Variants in AGAP1 observed in about 807,000 individuals in gnomAD.
The protein encoded by AGAP1 is ArfGAP with GTPase domain, ankyrin repeat and PH domain 1.
Under a neutral mutation model 105.3 loss-of-function variants are expected in AGAP1, and 29 were observed. That is an observed-to-expected ratio of 0.28 (90% CI 0.21 to 0.38). AGAP1 has a LOEUF of 0.38. Ranked by LOEUF, AGAP1 falls within the 10% of genes least tolerant of loss-of-function variation. AGAP1 has a pLI of 1.00. For synonymous variants in AGAP1, 509 were observed against 485.9 expected (o/e 1.05, Z -0.63); for missense variants, 998 against 1,165.1 (o/e 0.86, Z 2.09).
rs1946562333 is a variant in AGAP1, at chr2:235,623,983, C to A, written c.164-85196C>A. ...GTAAGCAGTCTTAGGGGATCTGTCA[C>A]TGCTTACTACTAACAGAAGAACACC... On this transcript the variant is annotated intron_variant, in intron 1 of 17. Transcript: ENST00000304032. This position sits in a 1 kb window ranked among gnomAD's most constrained non-coding sequence, Gnocchi z 4.5. 6.6e-6 allele frequency among the ~76,000 whole-genome samples: 1 copy of A among 152,174 alleles called. No individual in the cohort carries two copies. Among genetic ancestry groups the A allele is most frequent in the Non-Finnish European group, 1.5e-5 (1 of 68,034 alleles).
intron 16 of AGAP1, among the ~76,000 whole-genome samples, chr2:236,068,165 G>A (rs1050615590): frequency 4.6e-5 from 7 of 152,070 alleles, no homozygotes; most frequent in South Asian, 2.1e-4. Flanking sequence ...CCAGCTACTC[G>A]GAGGCTGAGG....
At chr2:235,735,929 T>C (rs1286745745) in intron 3 of AGAP1, among the ~76,000 whole-genome samples, 2 of 151,964 alleles carry the variant, frequency 1.3e-5, no homozygotes, top group African/African-American at 4.8e-5. Context: ...GTGAGAGCAC[T>C]CCATTCTGCT....
At chr2:235,591,234 T>C (rs12328651) in intron 1 of AGAP1, among the ~76,000 whole-genome samples, 1 of 152,090 alleles carries the variant, frequency 6.6e-6, no homozygotes, top group Non-Finnish European at 1.5e-5. Flanking sequence ...CAGGCTGGTC[T>C]TGAACTCCTG....
intron 1 of AGAP1, among the ~76,000 whole-genome samples, chr2:235,645,321 A>C (rs1253193918): frequency 6.6e-6 from 1 of 152,224 alleles, no homozygotes; most frequent in Non-Finnish European, 1.5e-5. Flanking sequence ...TACCTATCTC[A>C]AAGTTGCTCT....
chr2:235,704,970 T>C (rs1237157278), intron 1 of AGAP1, among the ~76,000 whole-genome samples: 1 of 28,882 alleles, frequency 3.5e-5, no homozygotes, highest in African/African-American at 2.3e-4. Context: ...TGCTTTTTTC[T>C]TTTTTTTTTT....
chr2:235,560,464 C>G (rs1466592927), intron 1 of AGAP1, among the ~76,000 whole-genome samples: 1 of 152,040 alleles, frequency 6.6e-6, no homozygotes, highest in Non-Finnish European at 1.5e-5. Context: ...TGTTACCTCA[C>G]ATGGCAAAAG....
intron 1 of AGAP1, among the ~76,000 whole-genome samples, chr2:235,684,839 G>GA (rs1432357520): frequency 3.3e-5 from 5 of 152,182 alleles, no homozygotes; most frequent in African/African-American, 1.2e-4. Flanking sequence ...ACCAACAGGA[G>GA]AGACTATCTG....
At position 236,001,489 on chromosome 2, in the gene AGAP1, C is replaced by T. The variant is rs908591363; in HGVS notation, c.1645+32866C>T. On this transcript the variant is annotated intron_variant, in intron 13 of 17. Transcript: ENST00000304032. This position sits in a 1 kb window ranked among gnomAD's most constrained non-coding sequence, Gnocchi z 4.7. ...GGCTGGGCAGAGTGGGCTGCAGGGGCTGAAGTAGGCAGTGGTGACAGTGGC... is the reference window on the plus strand; with the variant it reads ...GGCTGGGCAGAGTGGGCTGCAGGGGTTGAAGTAGGCAGTGGTGACAGTGGC... Among the ~76,000 whole-genome samples, 3 of 152,124 alleles carry T rather than the reference C, an allele frequency of 2.0e-5. No homozygotes were observed. The highest frequency in any genetic ancestry group is 7.2e-5 in the African/African-American group (3 of 41,416).
Position 236,090,956 on chromosome 2 carries a change from G to A in AGAP1, c.2115-29236G>A, listed in dbSNP as rs1159974340. Among the ~76,000 whole-genome samples, 1 of 152,144 alleles carries A rather than the reference G, an allele frequency of 6.6e-6. No homozygotes were observed. The highest frequency in any genetic ancestry group is 1.5e-5 in the Non-Finnish European group (1 of 68,014). ...GTTTCACCATGTTGGCCAGGCTGGT[G>A]TCGACCTCCTGACCTCAGGTGATCT... On this transcript the variant is annotated intron_variant, in intron 16 of 17. Coordinates refer to ENST00000304032, the MANE Select transcript of AGAP1 (RefSeq NM_001037131.3). This position sits in a 1 kb window ranked among gnomAD's most constrained non-coding sequence, Gnocchi z 4.3.
chr2:235,950,813 G>A (rs78631097), intron 12 of AGAP1, among the ~76,000 whole-genome samples: 3,523 of 148,240 alleles, frequency 0.024, 146 homozygotes, highest in African/African-American at 0.082. Context: ...TGACTGAACT[G>A]TATTAACGAA....
rs960225704 is a variant in AGAP1 at position 235,569,349 on chromosome 2, G to A, written c.163+74500G>A. On this transcript the variant is annotated intron_variant, in intron 1 of 17. Coordinates refer to ENST00000304032, the MANE Select transcript of AGAP1 (RefSeq NM_001037131.3). The surrounding 1 kb of genome is among the most constrained non-coding windows in gnomAD (Gnocchi z 5.9). ...GATCTTGGAGGAAGTACATGACCCCGAGTGGGTGCCTCTCCTGGCCAGGTG... is the reference window on the plus strand; with the variant it reads ...GATCTTGGAGGAAGTACATGACCCCAAGTGGGTGCCTCTCCTGGCCAGGTG... Among the ~76,000 whole-genome samples, 5 of 152,104 alleles carry A rather than the reference G, an allele frequency of 3.3e-5. No homozygotes were observed. Among genetic ancestry groups the A allele is most frequent in the African/African-American group, 1.2e-4 (5 of 41,416 alleles).
At chr2:235,597,168 A>G (rs1368387356) in intron 1 of AGAP1, among the ~76,000 whole-genome samples, 1 of 152,200 alleles carries the variant, frequency 6.6e-6, no homozygotes, top group Non-Finnish European at 1.5e-5. Flanking sequence ...TGCCCCTTCA[A>G]CCACCAAGGC....
chr2:235,864,594 C>T lies in AGAP1; in HGVS notation c.1051-18751C>T, dbSNP rs2049072020. Among the ~76,000 whole-genome samples the T allele has an allele frequency of 6.6e-6, 1 of 152,156 alleles. No homozygotes were observed. Among genetic ancestry groups the T allele is most frequent in the Non-Finnish European group, 1.5e-5 (1 of 68,034 alleles). ...AGGTGTCACCAGCAGCCATTAAGTG[C>T]AGATACTGTCGTCCCTGGTGTCGTC... On this transcript the variant is annotated intron_variant, in intron 9 of 17. Transcript: ENST00000304032. This position sits in a 1 kb window ranked among gnomAD's most constrained non-coding sequence, Gnocchi z 5.0.
Position 235,989,837 on chromosome 2 carries a change from G to T in AGAP1, c.1645+21214G>T, listed in dbSNP as rs1243268128. Among the ~76,000 whole-genome samples the T allele has an allele frequency of 6.6e-6, 1 of 152,148 alleles. No homozygotes were observed. The highest frequency in any genetic ancestry group is 1.9e-4 in the East Asian group (1 of 5,186). ...GCAGCTCACAGGGAGGGACAGCCTC[G>T]GAAGAGGAAATCCATGCGTCTTCCT... On this transcript the variant is annotated intron_variant, in intron 13 of 17. Coordinates refer to ENST00000304032, the MANE Select transcript of AGAP1 (RefSeq NM_001037131.3). The surrounding 1 kb of genome is among the most constrained non-coding windows in gnomAD (Gnocchi z 4.4).
At chr2:236,107,508 T>C (rs1418408545) in intron 16 of AGAP1, among the ~76,000 whole-genome samples, 1 of 152,194 alleles carries the variant, frequency 6.6e-6, no homozygotes, top group Non-Finnish European at 1.5e-5. Flanking sequence ...CACTGTGACT[T>C]GTATCCAGGA....
rs764335988 is a variant in AGAP1 at position 235,717,532 on chromosome 2, T to C, written c.223-25T>C. Reference sequence around the variant, plus strand: ...CCAAATAGAGTGATTTGATGATGCTTAACGGTTGTCCGTTTCTGTTTCAGG... The same window carrying C: ...CCAAATAGAGTGATTTGATGATGCTCAACGGTTGTCCGTTTCTGTTTCAGG... On this transcript the variant is annotated intron_variant, in intron 2 of 17. Coordinates refer to ENST00000304032, the MANE Select transcript of AGAP1 (RefSeq NM_001037131.3). The C allele has an allele frequency of 4.4e-6, 7 of 1,577,102 alleles. No homozygotes were observed. In the Admixed American group the frequency reaches 1.4e-4, roughly 32 times the overall value.
Position 236,119,388 on chromosome 2 carries a change from G to A in AGAP1, c.2115-804G>A, listed in dbSNP as rs1219201132. Among the ~76,000 whole-genome samples the A allele has an allele frequency of 1.3e-5, 2 of 152,162 alleles. No homozygotes were observed. The highest frequency in any genetic ancestry group is 4.8e-5 in the African/African-American group (2 of 41,442). ...CCCCAAGTATCTGGAGATTCCAAAA[G>A]CTGCATCTCCCTGCTAAACCTCCTC... is the stretch of plus-strand genomic sequence containing the variant. On this transcript the variant is annotated intron_variant, in intron 16 of 17. Coordinates refer to ENST00000304032, the MANE Select transcript of AGAP1 (RefSeq NM_001037131.3). This position sits in a 1 kb window ranked among gnomAD's most constrained non-coding sequence, Gnocchi z 6.6.
At chr2:236,085,641 C>T (rs1882362) in intron 16 of AGAP1, among the ~76,000 whole-genome samples, 150,336 of 152,360 alleles carry the variant, frequency 0.99, 74,179 homozygotes, top group East Asian at 1. Context: ...CAGCCTTTAC[C>T]GTTCATAAAA....
In AGAP1 at chr2:236,020,260, C is replaced by CG. The variant is rs1183208400; in HGVS notation, c.1646-16301_1646-16300insG. Among the ~76,000 whole-genome samples the CG allele has an allele frequency of 6.6e-6, 1 of 152,134 alleles. No homozygotes were observed. The highest frequency in any genetic ancestry group is 1.5e-5 in the Non-Finnish European group (1 of 68,028). Reference sequence around the variant, plus strand: ...TGCTCCTTGCCTAGGACCAGTAAGCCCCAGTACTCAAGCACCCAGATTCTC... The same window carrying CG: ...TGCTCCTTGCCTAGGACCAGTAAGCCGCCAGTACTCAAGCACCCAGATTCTC... On this transcript the variant is annotated intron_variant, in intron 13 of 17. Coordinates refer to ENST00000304032, the MANE Select transcript of AGAP1 (RefSeq NM_001037131.3). The surrounding 1 kb of genome is among the most constrained non-coding windows in gnomAD (Gnocchi z 5.0).
Sources: allele counts gnomAD v4.1 joint callset (sites outside exome capture counted in the v4.1 genomes callset), GRCh38; gene constraint gnomAD v4.1.1; non-coding constraint Gnocchi (gnomAD v3.1); transcripts MANE v1.5; gene names NCBI Gene and HGNC (gene_info 2026-07-23, HGNC 2026-07-21).